DIS3L2: variants seen among roughly 807,000 people sequenced by gnomAD.
The protein encoded by DIS3L2 is DIS3 like 3'-5' exoribonuclease 2.
A neutral mutation model predicts 97.5 loss-of-function variants in DIS3L2; 34 were observed. The ratio of observed to expected loss-of-function variants is 0.35; its 90% CI spans 0.27 to 0.46. DIS3L2 has a LOEUF of 0.46. Ranked by LOEUF, DIS3L2 falls within the 20% of genes least tolerant of loss-of-function variation. The pLI is 1.00. For missense variants in DIS3L2, 1,038 were observed against 1,146.0 expected, an observed-to-expected ratio of 0.91 and a Z score of 1.36; for synonymous variants, 435 against 445.2, an observed-to-expected ratio of 0.98 and a Z score of 0.29.
At chr2:232,075,495 TC>T (rs1033857502) in intron 5 of DIS3L2, among the ~76,000 whole-genome samples, 3 of 152,216 alleles carry the variant, frequency 2.0e-5, no homozygotes, top group Non-Finnish European at 4.4e-5. Context: ...GGTTCTCTTT[TC>T]AGTAGACACT....
At chr2:232,340,195 A>AGCAAACAGCACTTTT (rs1318919800), downstream of DIS3L2, among the ~76,000 whole-genome samples, 4 of 152,198 alleles carry the variant, frequency 2.6e-5, no homozygotes, top group Non-Finnish European at 4.4e-5. Context: ...AGAGCAGAGG[A>AGCAAACAGCACTTTT]GCAAACAGCA....
chr2:232,094,956 A>T (rs1383517562), intron 6 of DIS3L2, among the ~76,000 whole-genome samples: 1 of 151,984 alleles, frequency 6.6e-6, no homozygotes, highest in African/African-American at 2.4e-5. Context: ...ATTTTATCTG[A>T]TATTAATATA....
At chr2:232,077,294 T>C (rs1477723440) in intron 5 of DIS3L2, among the ~76,000 whole-genome samples, 1 of 78,262 alleles carries the variant, frequency 1.3e-5, no homozygotes, top group African/African-American at 7.0e-5. Flanking sequence ...GTGCCCAATT[T>C]TACCTTCCAA....
chr2:232,092,039 T>G (rs1169913330), intron 6 of DIS3L2, among the ~76,000 whole-genome samples: 2 of 152,222 alleles, frequency 1.3e-5, no homozygotes, highest in Non-Finnish European at 2.9e-5. Context: ...GTCTTAGATT[T>G]AAGTCTTTAA....
intron 5 of DIS3L2, among the ~76,000 whole-genome samples, chr2:232,075,181 C>A (rs1355936186): frequency 6.6e-6 from 1 of 152,178 alleles, no homozygotes; most frequent in Non-Finnish European, 1.5e-5. Context: ...CCTGTAGGCA[C>A]ATTACAACTC....
chr2:232,158,086 A>G (rs562697175), intron 8 of DIS3L2, among the ~76,000 whole-genome samples: 7 of 152,308 alleles, frequency 4.6e-5, no homozygotes, highest in African/African-American at 1.4e-4. Flanking sequence ...GTCACTGCCT[A>G]TCAGCCTATC....
At chr2:232,106,500 A>G (rs918388774) in intron 6 of DIS3L2, among the ~76,000 whole-genome samples, 2 of 152,202 alleles carry the variant, frequency 1.3e-5, no homozygotes, top group African/African-American at 4.8e-5. Flanking sequence ...GTTCAATTCA[A>G]CAAGAAGAGT....
At chr2:232,130,427 T>G (rs1574897937) in intron 6 of DIS3L2, among the ~76,000 whole-genome samples, 192 bp from the exon 7 acceptor site, 2 of 152,228 alleles carry the variant, frequency 1.3e-5, no homozygotes, top group Non-Finnish European at 2.9e-5. Flanking sequence ...TGTGGTCTGC[T>G]GAGGCTGAGT....
chr2:232,294,959 TTCCTTCCTGTTCCCCCGTAGGTC>T (rs1694689110), intron 13 of DIS3L2, among the ~76,000 whole-genome samples: 1 of 152,150 alleles, frequency 6.6e-6, no homozygotes, highest in Admixed American at 6.5e-5. Context: ...TCCCATTTAT[TTCCTTCCTGTTCCCCCGTAGGTC>T]TCCTGGTCCA....
Position 232,211,854 on chromosome 2 carries a change from AAATT to A in DIS3L2, c.1204+1461_1204+1464del, listed in dbSNP as rs780008886. On this transcript the variant is annotated intron_variant, in intron 10 of 20. Transcript: ENST00000325385. ...AGATTGCTCAATATTTTCTTTTTAA[AAATT>A]AATTAATTAATCGATTTTTAGAGAC... 2.2e-3 allele frequency among the ~76,000 whole-genome samples: 328 copies of A among 152,182 alleles called. 2 individuals are homozygous for A. Among genetic ancestry groups the A allele is most frequent in the African/African-American group, 7.3e-3 (304 of 41,510 alleles).
intron 6 of DIS3L2, among the ~76,000 whole-genome samples, chr2:232,102,981 T>G (rs757044166): frequency 4.6e-5 from 7 of 152,104 alleles, no homozygotes; most frequent in Non-Finnish European, 1.0e-4. Flanking sequence ...AAATCTTGAG[T>G]AAAGATTTTT....
chr2:232,224,923 A>G (rs1433553652), intron 10 of DIS3L2, among the ~76,000 whole-genome samples: 4 of 152,238 alleles, frequency 2.6e-5, no homozygotes, highest in Admixed American at 1.3e-4. Context: ...TATCCAGCAT[A>G]TGACTCTTAC....
At chr2:232,154,960 G>T (rs1574912811) in intron 8 of DIS3L2, among the ~76,000 whole-genome samples, 1 of 132,256 alleles carries the variant, frequency 7.6e-6, no homozygotes, top group East Asian at 2.2e-4. Context: ...GGAGTGACCC[G>T]ATTTTCCAGG....
At chr2:232,076,126 T>C (rs538489564) in intron 5 of DIS3L2, among the ~76,000 whole-genome samples, 2 of 152,342 alleles carry the variant, frequency 1.3e-5, no homozygotes, top group African/African-American at 2.4e-5. Context: ...CATTTAGGGC[T>C]CTTGACATCT....
chr2:232,196,835 AAAT>A (rs1034693261), intron 9 of DIS3L2, among the ~76,000 whole-genome samples: 3 of 151,686 alleles, frequency 2.0e-5, no homozygotes, highest in Non-Finnish European at 4.4e-5. Flanking sequence ...GTTGTGCAAA[AAAT>A]GTGTATAGCT....
At chr2:232,215,398 G>T (rs1435727728) in intron 10 of DIS3L2, among the ~76,000 whole-genome samples, 1 of 152,128 alleles carries the variant, frequency 6.6e-6, no homozygotes, top group Non-Finnish European at 1.5e-5. Flanking sequence ...GAAAATATTT[G>T]GTTAAGTTAG....
At chr2:232,047,349 CA>C (rs2106259481) in intron 5 of DIS3L2, among the ~76,000 whole-genome samples, 1 of 152,120 alleles carries the variant, frequency 6.6e-6, no homozygotes, top group Non-Finnish European at 1.5e-5. Context: ...TAAAGAACTA[CA>C]AGAGGAAAAT....
intron 1 of DIS3L2, among the ~76,000 whole-genome samples, chr2:231,981,598 TTATATATATATATATATATATATATA>T (rs10669283): frequency 9.5e-5 from 8 of 84,070 alleles, no homozygotes; most frequent in Admixed American, 1.5e-4. Context: ...GTTAAGTATT[TTATATATATATATATATATATATATA>T]TATATATATA....
chr2:232,016,190 G>A (rs1694349478), intron 3 of DIS3L2, among the ~76,000 whole-genome samples: 1 of 152,210 alleles, frequency 6.6e-6, no homozygotes, highest in Admixed American at 6.5e-5. Flanking sequence ...GACAGTATTT[G>A]TTGAGTGCTT....
Sources: gnomAD v4.1 joint callset for allele counts (sites outside exome capture counted in the v4.1 genomes callset) on GRCh38, gnomAD v4.1.1 for gene constraint, MANE v1.5 for transcripts, NCBI Gene and HGNC (gene_info 2026-07-23, HGNC 2026-07-21) for gene names.